ATF2: variants seen among roughly 807,000 people sequenced by gnomAD.
The protein encoded by ATF2 is activating transcription factor 2.
In ATF2, 24 loss-of-function variants were observed where a neutral mutation model predicts 60.6. That is an observed-to-expected ratio of 0.40 (90% confidence interval 0.29 to 0.56). ATF2 has a LOEUF of 0.56. Among genes scored for constraint, ATF2 ranks in the 20% least tolerant of loss-of-function variants. The pLI, the probability that ATF2 is intolerant of heterozygous loss-of-function variation, is 0.54. For missense variants in ATF2, 433 were observed against 607.7 expected, an observed-to-expected ratio of 0.71 and a Z score of 3.02; for synonymous variants, 206 against 215.4, an observed-to-expected ratio of 0.96 and a Z score of 0.38.
chr2:175,104,354 C>A (rs190228914), intron 10 of ATF2, among the ~76,000 whole-genome samples: 451 of 152,064 alleles, frequency 3.0e-3, no homozygotes, highest in Non-Finnish European at 4.0e-3. Context: ...GAGAGAGATG[C>A]AGAACCCCAA....
chr2:175,166,647 A>G (rs1047870335), intron 1 of ATF2, among the ~76,000 whole-genome samples: 19 of 152,224 alleles, frequency 1.2e-4, no homozygotes, highest in African/African-American at 4.6e-4. Flanking sequence ...GCTTTTATAA[A>G]TAAAGCTTTA....
rs1559084252 is a variant in ATF2, at chr2:175,118,380, T to C, written c.200-11A>G. ...GTGTTGGGGTCTGATCTGAAATAAA[T>C]GTCAAGAAGTAATCATGCATATTTA... On this transcript the variant is annotated splice_polypyrimidine_tract_variant and intron_variant, in intron 5 of 13. Transcript: ENST00000264110. 1.3e-6 allele frequency: 2 copies of C among 1,588,500 alleles called. No individual in the cohort carries two copies. The highest frequency in any genetic ancestry group is 1.7e-6 in the Non-Finnish European group (2 of 1,163,106).
intron 3 of ATF2, among the ~76,000 whole-genome samples, chr2:175,131,367 C>G (rs899342496): frequency 1.3e-5 from 2 of 152,112 alleles, no homozygotes; most frequent in African/African-American, 4.8e-5. Flanking sequence ...CTTCTTACAT[C>G]CATCAGAGAA....
At chr2:175,075,031 CA>C in intron 13 of ATF2, 196 bp from the exon 14 acceptor site, 1 of 1,446,264 alleles carries the variant, frequency 6.9e-7, no homozygotes, top group Non-Finnish European at 9.1e-7. Context: ...CACAACCATG[CA>C]TATGGAAACA....
chr2:175,144,951 A>C lies in ATF2; in HGVS notation c.-44+6109T>G, dbSNP rs183829095. ...ATGTAAATACGTGGATATTGATCAA[A>C]TAAGTAAACATATCAAGGATGTGCT... On this transcript the variant is annotated intron_variant, in intron 2 of 13. Transcript: ENST00000264110. Among the ~76,000 whole-genome samples, 202 of 152,330 alleles carry C rather than the reference A, an allele frequency of 1.3e-3. 1 individual carries two copies. The highest frequency in any genetic ancestry group is 4.5e-3 in the African/African-American group (189 of 41,566).
intron 13 of ATF2, among the ~76,000 whole-genome samples, chr2:175,077,595 G>A (rs762671494): frequency 3.3e-5 from 5 of 152,198 alleles, no homozygotes; most frequent in African/African-American, 4.8e-5. Flanking sequence ...GATCTGTGAT[G>A]AGTGGTATAA....
chr2:175,145,114 T>C (rs1698858031), intron 2 of ATF2, among the ~76,000 whole-genome samples: 2 of 152,202 alleles, frequency 1.3e-5, no homozygotes. Context: ...TGTTAATGTG[T>C]ATATGCACGC....
intron 11 of ATF2, among the ~76,000 whole-genome samples, chr2:175,096,460 A>G (rs1393991330): frequency 6.6e-6 from 1 of 152,196 alleles, no homozygotes; most frequent in Non-Finnish European, 1.5e-5. Flanking sequence ...TATTTCTCTA[A>G]AAGACTTCTG....
At chr2:175,161,381 T>C (rs1246282365) in intron 1 of ATF2, among the ~76,000 whole-genome samples, 5 of 152,206 alleles carry the variant, frequency 3.3e-5, no homozygotes, top group Non-Finnish European at 5.9e-5. Context: ...CAACACAAAC[T>C]GAGTACTCAT....
chr2:175,113,031 TAGAG>T (rs1416117678), intron 9 of ATF2, among the ~76,000 whole-genome samples: 2 of 146,358 alleles, frequency 1.4e-5, no homozygotes, highest in South Asian at 4.2e-4. Context: ...GAGAGAATAA[TAGAG>T]AGATTCATAA....
chr2:175,087,809 G>GA (rs972300207), intron 12 of ATF2, among the ~76,000 whole-genome samples: 37 of 151,988 alleles, frequency 2.4e-4, no homozygotes, highest in Non-Finnish European at 4.0e-4. Flanking sequence ...ATTTTTAACA[G>GA]AAAAAAAGAC....
rs191304052 is a variant in ATF2 at position 175,123,218 on chromosome 2, A to G, written c.103-1678T>C. On this transcript the variant is annotated intron_variant, in intron 4 of 13. Transcript: ENST00000264110. The stretch of plus-strand genomic sequence containing the variant: ...TGGTACTTTTGACAGATTGCTGAAT[A>G]ACAAAGTTCTCAGAAAACGAACATA... Among the ~76,000 whole-genome samples, 12 of 152,238 alleles carry G rather than the reference A, an allele frequency of 7.9e-5. No homozygotes were observed. The East Asian group carries it at 2.3e-3, about 29-fold the overall frequency.
chr2:175,099,026 A>G (rs1357777873), intron 10 of ATF2, among the ~76,000 whole-genome samples: 1 of 152,088 alleles, frequency 6.6e-6, no homozygotes, highest in East Asian at 1.9e-4. Flanking sequence ...CAATTTGTAA[A>G]AAGAAAAGTT....
intron 13 of ATF2, 76 bp from the exon 14 acceptor site, chr2:175,074,911 G>C (rs1693187367): frequency 6.4e-7 from 1 of 1,574,774 alleles, no homozygotes; most frequent in African/African-American, 1.3e-5. Context: ...GCAATACACA[G>C]AGTAAAAAGT....
chr2:175,098,205 C>A (rs1300781588), intron 10 of ATF2, among the ~76,000 whole-genome samples: 1 of 152,168 alleles, frequency 6.6e-6, no homozygotes, highest in African/African-American at 2.4e-5. Context: ...AGGTACAAAA[C>A]AAACATATCT....
intron 10 of ATF2, among the ~76,000 whole-genome samples, chr2:175,100,340 T>C (rs1695225517): frequency 6.6e-6 from 1 of 152,232 alleles, no homozygotes; most frequent in South Asian, 2.1e-4. Context: ...GGCCTCTATT[T>C]TCTTAGCACG....
intron 1 of ATF2, among the ~76,000 whole-genome samples, chr2:175,161,588 C>T (rs370613348): frequency 1.3e-5 from 2 of 152,290 alleles, no homozygotes; most frequent in East Asian, 1.9e-4. Context: ...TGATTACACA[C>T]TTAACTATGT....
chr2:175,116,391 T>G (rs925661463), intron 7 of ATF2, among the ~76,000 whole-genome samples: 1 of 151,954 alleles, frequency 6.6e-6, no homozygotes, highest in African/African-American at 2.4e-5. Flanking sequence ...AACAACTAAA[T>G]GGATGGAGAA....
At position 175,141,030 on chromosome 2, in the gene ATF2, A is replaced by AAAT. The variant is rs1698491252; in HGVS notation, c.-43-4545_-43-4544insATT. Among the ~76,000 whole-genome samples, 51 of 37,600 alleles carry AAAT rather than the reference A, an allele frequency of 1.4e-3. 1 individual carries two copies. Among genetic ancestry groups the AAAT allele is most frequent in the Admixed American group, 3.4e-3 (7 of 2,062 alleles). 24.7% of individuals were successfully genotyped at this position (37,600 alleles called of 152,430 possible). On this transcript the variant is annotated intron_variant, in intron 2 of 13. Transcript: ENST00000264110. ...AAAAAAAAAAAAAAAAAAAAAAAAA[A>AAAT]ATATATATATATATATATATATGTA...
Sources: allele counts gnomAD v4.1 joint callset (sites outside exome capture counted in the v4.1 genomes callset), GRCh38; gene constraint gnomAD v4.1.1; transcripts MANE v1.5; gene names NCBI Gene and HGNC (gene_info 2026-07-23, HGNC 2026-07-21).